The following FGD6 variants were observed in gnomAD, a reference collection of about 807,000 sequenced individuals.
FGD6 encodes the protein FYVE, RhoGEF and PH domain containing 6.
Under a neutral mutation model 149.4 loss-of-function variants are expected in FGD6, and 90 were observed. The ratio of observed to expected loss-of-function variants is 0.60; its 90% CI spans 0.51 to 0.72. FGD6 has a LOEUF of 0.72. Ranked by LOEUF, FGD6 falls within the 30% of genes least tolerant of loss-of-function variation. FGD6 has a pLI of 0.00. For missense variants in FGD6, 1,437 were observed against 1,684.8 expected, an observed-to-expected ratio of 0.85 and a Z score of 2.57; for synonymous variants, 527 against 584.0, an observed-to-expected ratio of 0.90 and a Z score of 1.41.
At chr12:95,168,701 A>T (rs1592861169) in intron 3 of FGD6, among the ~76,000 whole-genome samples, 1 of 152,248 alleles carries the variant, frequency 6.6e-6, no homozygotes, top group South Asian at 2.1e-4. Flanking sequence ...AAAATCTACT[A>T]AGCATTCACT....
chr12:95,124,831 C>G (rs1879289911), intron 8 of FGD6, among the ~76,000 whole-genome samples: 1 of 152,130 alleles, frequency 6.6e-6, no homozygotes, highest in Non-Finnish European at 1.5e-5. Flanking sequence ...TTTATCACCA[C>G]AGATATTTTT....
At chr12:95,165,293 A>C (rs1287173504) in intron 3 of FGD6, among the ~76,000 whole-genome samples, 1 of 151,932 alleles carries the variant, frequency 6.6e-6, no homozygotes, top group African/African-American at 2.4e-5. Context: ...CAACATGAAG[A>C]AAAACAGTAC....
At chr12:95,181,821 G>A (rs1881287971) in intron 2 of FGD6, among the ~76,000 whole-genome samples, 1 of 152,084 alleles carries the variant, frequency 6.6e-6, no homozygotes, top group South Asian at 2.1e-4. Flanking sequence ...GGGCGTGGTG[G>A]CGGGCGCCTG....
chr12:95,207,327 T>G (rs942897367), intron 2 of FGD6, among the ~76,000 whole-genome samples: 2 of 152,212 alleles, frequency 1.3e-5, no homozygotes, highest in African/African-American at 4.8e-5. Context: ...GTGAGTCAAT[T>G]AAACATCTTT....
At chr12:95,154,271 T>C (rs1236349210) in intron 3 of FGD6, among the ~76,000 whole-genome samples, 5 of 152,080 alleles carry the variant, frequency 3.3e-5, no homozygotes, top group African/African-American at 9.7e-5. Flanking sequence ...TGAAATTCTT[T>C]TATTATGGAC....
At chr12:95,171,849 A>T (rs557226404) in intron 3 of FGD6, among the ~76,000 whole-genome samples, 270 of 152,118 alleles carry the variant, frequency 1.8e-3, no homozygotes, top group Non-Finnish European at 3.1e-3. Context: ...ACACATAGAC[A>T]ATCTTCATGT....
intron 8 of FGD6, among the ~76,000 whole-genome samples, chr12:95,124,699 A>G (rs1879286230): frequency 6.6e-6 from 1 of 152,172 alleles, no homozygotes; most frequent in Admixed American, 6.5e-5. Context: ...GCAAACTTGG[A>G]GGGCAAAAAG....
At chr12:95,201,955 TACACACACACACACACACAC>T (rs71078621) in intron 2 of FGD6, among the ~76,000 whole-genome samples, 7 of 146,560 alleles carry the variant, frequency 4.8e-5, no homozygotes, top group South Asian at 2.2e-4. Flanking sequence ...CAGGACAGAA[TACACACACACACACACACAC>T]ACACACACAC....
At position 95,089,690 on chromosome 12, in the gene FGD6, T is replaced by C; in HGVS notation, c.3857A>G (p.Gln1286Arg). Residue 1286 changes from glutamine (Q) to arginine (R), a missense_variant, in exon 18 of 21, where the codon CAG becomes CGG. By Grantham distance (43) the Gln-to-Arg change is conservative. Transcript: ENST00000343958. ...CFQELQKLDH[Q>R]HSPRIGSPGN... ...AGGAGATCCAATCCTAGGGGAGTGC[T>C]GGTGATCTAGAACAAATCAGGCATG... is the stretch of plus-strand genomic sequence containing the variant. The C allele has an allele frequency of 6.2e-7, 1 of 1,613,606 alleles. No individual in the cohort carries two copies. The highest frequency in any genetic ancestry group is 8.5e-7 in the Non-Finnish European group (1 of 1,179,696).
At chr12:95,150,033 CTT>C (rs71078614) in intron 5 of FGD6, among the ~76,000 whole-genome samples, 2 of 119,444 alleles carry the variant, frequency 1.7e-5, no homozygotes, top group Non-Finnish European at 3.5e-5. Flanking sequence ...CACACACACA[CTT>C]TTTTTTTTTG....
intron 8 of FGD6, among the ~76,000 whole-genome samples, chr12:95,124,786 G>C (rs866081965): frequency 6.6e-6 from 1 of 152,076 alleles, no homozygotes; most frequent in Non-Finnish European, 1.5e-5. Flanking sequence ...ATAAATGTAG[G>C]TGCAAACCAC....
At chr12:95,109,521 C>T (rs942610827) in intron 9 of FGD6, among the ~76,000 whole-genome samples, 6 of 151,982 alleles carry the variant, frequency 3.9e-5, no homozygotes, top group Admixed American at 1.3e-4. Flanking sequence ...AGCATCTCCT[C>T]CTGAGGCTGC....
chr12:95,105,278 C>T (rs1402093827), intron 13 of FGD6, among the ~76,000 whole-genome samples, 192 bp from the exon 14 acceptor site: 1 of 152,180 alleles, frequency 6.6e-6, no homozygotes, highest in Non-Finnish European at 1.5e-5. Context: ...CCCACCTTTC[C>T]CACCTCCAGG....
intron 14 of FGD6, among the ~76,000 whole-genome samples, chr12:95,104,670 T>A (rs954577971): frequency 4.6e-5 from 7 of 152,146 alleles, no homozygotes; most frequent in Non-Finnish European, 8.8e-5. Flanking sequence ...CTCAAACTCC[T>A]GACCTCAAGT....
intron 2 of FGD6, among the ~76,000 whole-genome samples, chr12:95,182,102 T>C (rs899304494): frequency 6.6e-6 from 1 of 152,180 alleles, no homozygotes; most frequent in African/African-American, 2.4e-5. Flanking sequence ...ATACTGTCTG[T>C]TCCTACTTGA....
intron 9 of FGD6, among the ~76,000 whole-genome samples, chr12:95,110,447 C>G (rs913688761): frequency 6.6e-6 from 1 of 151,904 alleles, no homozygotes; most frequent in African/African-American, 2.4e-5. Flanking sequence ...CCTCCGCCTC[C>G]CAGATTCAAG....
intron 2 of FGD6, among the ~76,000 whole-genome samples, chr12:95,190,366 C>T (rs568667220): frequency 2.0e-4 from 31 of 152,210 alleles, no homozygotes; most frequent in South Asian, 4.1e-4. Flanking sequence ...GACAGGATTT[C>T]GTCATGTTGG....
At chr12:95,109,568 T>A (rs1292088600) in intron 9 of FGD6, among the ~76,000 whole-genome samples, 1 of 151,494 alleles carries the variant, frequency 6.6e-6, no homozygotes, top group African/African-American at 2.4e-5. Context: ...AAAGGACTAT[T>A]AAAAAAAAGA....
At chr12:95,107,491 T>TATAAAGGAC in intron 12 of FGD6, 72 bp downstream of exon 12, 2 of 1,448,312 alleles carry the variant, frequency 1.4e-6, no homozygotes, top group Non-Finnish European at 1.9e-6. Flanking sequence ...TTATCTACCA[T>TATAAAGGAC]GTATAAACGT....
Sources: gnomAD v4.1 joint callset for allele counts (sites outside exome capture counted in the v4.1 genomes callset) on GRCh38, gnomAD v4.1.1 for gene constraint, MANE v1.5 for transcripts, NCBI Gene and HGNC (gene_info 2026-07-23, HGNC 2026-07-21) for gene names.